Variants in BCORL1 observed in about 807,000 individuals in gnomAD.
The protein encoded by BCORL1 is BCL-6 corepressor-like protein 1.
BCORL1 carries 7 observed loss-of-function variants against 87.6 expected under a neutral mutation model. The observed-to-expected ratio is 0.08, with a 90% CI of 0.05 to 0.15. The LOEUF (loss-of-function observed/expected upper bound fraction) is 0.15. Among genes scored for constraint, BCORL1 ranks in the 10% least tolerant of loss-of-function variants. The probability of loss-of-function intolerance (pLI) is 1.00; values close to 1 mark genes in which losing one functional copy is unlikely to be tolerated. For synonymous variants in BCORL1, 591 were observed against 634.4 expected (o/e 0.93, Z 1.03); for missense variants, 1,215 against 1,499.7 (o/e 0.81, Z 3.13).
At position 130,014,161 on chromosome X, in the gene BCORL1, G is replaced by T. The variant is rs1468264912; in HGVS notation, c.1389G>T (p.Val463=). The T allele has an allele frequency of 2.7e-5, 33 of 1,208,801 alleles. No homozygotes were observed. Among genetic ancestry groups the T allele is most frequent in the Non-Finnish European group, 3.5e-5 (31 of 894,926 alleles). Residue 463 remains valine, a synonymous_variant, in exon 4 of 14, where the codon GTG becomes GTT. Transcript: ENST00000540052. The stretch of plus-strand genomic sequence containing the variant: ...CAAGCTGTGGGCAGCCACTCAGTGT[G>T]GCCACACTGCCAACCACTCTAGGGG... The part of the protein sequence containing the change: ...PPPSCGQPLS[V]ATLPTTLGVS...
intron 13 of BCORL1, among the ~76,000 whole-genome samples, chrX:130,055,158 C>T (rs932977372): frequency 8.9e-6 from 1 of 112,075 alleles, no homozygotes; most frequent in Non-Finnish European, 1.9e-5. Context: ...GGCCCGGGAT[C>T]GGCCTCTCCA....
chrX:130,007,360 T>C (rs1928584256), intron 2 of BCORL1, among the ~76,000 whole-genome samples: 1 of 112,598 alleles, frequency 8.9e-6, no homozygotes, highest in Non-Finnish European at 1.9e-5. Context: ...ATATGAAGCA[T>C]GTCCTCAGAT....
chrX:130,028,983 A>T, intron 8 of BCORL1, 122 bp downstream of exon 8: 1 of 565,979 alleles, frequency 1.8e-6, no homozygotes. Context: ...TTCTCAAACT[A>T]GTTCTCGAAG....
chrX:130,022,436 C>T (rs1929917784), intron 5 of BCORL1, among the ~76,000 whole-genome samples: 1 of 107,015 alleles, frequency 9.3e-6, no homozygotes, highest in African/African-American at 3.4e-5. Flanking sequence ...TTAGTAGAGT[C>T]GGGGTTTCAC....
At chrX:130,016,698 G>T (rs1367335654) in intron 4 of BCORL1, among the ~76,000 whole-genome samples, 8 of 111,899 alleles carry the variant, frequency 7.1e-5, no homozygotes, top group Admixed American at 5.7e-4. Context: ...TGGGAGCCTT[G>T]TGGGGTCAGA....
At position 130,005,294 on chromosome X, in the gene BCORL1, C is replaced by T; in HGVS notation, c.63C>T (p.Arg21=). Residue 21 remains arginine, a synonymous_variant, in exon 2 of 14, where the codon CGC becomes CGT. Coordinates refer to ENST00000540052, the MANE Select transcript of BCORL1 (RefSeq NM_001379451.1). The part of the protein sequence containing the change: ...VHNWTSSDRI[R]MCGINEERRA... ...ACTGGACCAGTTCTGACCGGATTCGCATGTGTGGCATCAACGAGGAGAGGT... is the reference window on the plus strand; with the variant it reads ...ACTGGACCAGTTCTGACCGGATTCGTATGTGTGGCATCAACGAGGAGAGGT... 8.3e-7 allele frequency: 1 copy of T among 1,211,768 alleles called. No individual in the cohort carries two copies. The highest frequency in any genetic ancestry group is 1.1e-6 in the Non-Finnish European group (1 of 895,351).
Position 130,015,003 on chromosome X carries a change from A to G in BCORL1, c.2231A>G (p.His744Arg). ...CTGGGCCTCAACCGTGACCCCCGCC[A>G]TCTCCCCAAGCAGGAGCCCATCTCC... ...PNLGLNRDPR[H>R]LPKQEPISII... The change falls in exon 4 of 14, where the codon CAT (histidine) becomes CGT (arginine). Residue 744 changes from histidine (H) to arginine (R), a missense_variant. Physicochemically the swap from His to Arg is conservative, Grantham distance 29 (BLOSUM62 0). Coordinates refer to ENST00000540052, the MANE Select transcript of BCORL1 (RefSeq NM_001379451.1). 18 of 1,211,627 alleles carry G rather than the reference A, an allele frequency of 1.5e-5. No individual in the cohort carries two copies. Among genetic ancestry groups the G allele is most frequent in the Non-Finnish European group, 2.0e-5 (18 of 895,512 alleles).
rs79745982 is a variant in BCORL1, at chrX:130,029,875, G to A, written c.4305+1014G>A. ...TCACCATGTTGGCCGGGCTGATCTC[G>A]AACTCCTGAGCTCAAGTGATCCGCC... On this transcript the variant is annotated intron_variant, in intron 8 of 13. Transcript: ENST00000540052. Among the ~76,000 whole-genome samples the A allele has an allele frequency of 2.0e-4, 22 of 110,648 alleles. No individual in the cohort carries two copies. The South Asian group carries it at 6.9e-3, about 35-fold the overall frequency.
chrX:130,046,551 A>G (rs1002311728), intron 11 of BCORL1, among the ~76,000 whole-genome samples: 1 of 95,712 alleles, frequency 1.0e-5, no homozygotes, highest in African/African-American at 3.9e-5. Flanking sequence ...TGCTCAGCTA[A>G]TTTTTTTTTT....
chrX:130,012,409 T>G (rs751553247), intron 2 of BCORL1, among the ~76,000 whole-genome samples, 169 bp from the exon 3 acceptor site: 6 of 111,620 alleles, frequency 5.4e-5, no homozygotes, highest in African/African-American at 1.6e-4. Context: ...GCCTCCGCTT[T>G]GTAACCAAGA....
intron 1 of BCORL1, among the ~76,000 whole-genome samples, chrX:130,004,534 C>T (rs1388136968): frequency 8.9e-6 from 1 of 111,763 alleles, no homozygotes; most frequent in African/African-American, 3.3e-5. Flanking sequence ...CGTGAGCCAC[C>T]GCGCCCTGCC....
chrX:130,023,144 A>AG (rs1466151421), intron 6 of BCORL1, among the ~76,000 whole-genome samples, 167 bp downstream of exon 6: 1 of 111,804 alleles, frequency 8.9e-6, no homozygotes, highest in African/African-American at 3.3e-5. Context: ...GGGTGGGGGC[A>AG]GGGGACAAAT....
At chrX:130,017,646 GT>G (rs1325113903) in intron 4 of BCORL1, among the ~76,000 whole-genome samples, 34 of 98,091 alleles carry the variant, frequency 3.5e-4, no homozygotes, top group Admixed American at 3.3e-4. Flanking sequence ...CTCTCTTTTT[GT>G]TTTTTTTTTT....
Position 130,012,684 on chromosome X carries a change from G to A in BCORL1, c.177+16G>A. 5 of 1,184,990 alleles carry A rather than the reference G, an allele frequency of 4.2e-6. No individual in the cohort carries two copies. Among genetic ancestry groups the A allele is most frequent in the East Asian group, 5.9e-5 (2 of 33,770 alleles). ...TTTTTCCAAGGTAAGAGGCTTTATG[G>A]AGCCACGTGCTGTCCACCAAAGGAT... is the stretch of plus-strand genomic sequence containing the variant. On this transcript the variant is annotated intron_variant, in intron 3 of 13. Transcript: ENST00000540052.
chrX:130,026,018 A>T (rs1391878680), intron 7 of BCORL1, among the ~76,000 whole-genome samples: 1 of 111,672 alleles, frequency 9.0e-6, no homozygotes, highest in African/African-American at 3.3e-5. Flanking sequence ...GACCACATCA[A>T]ATGCTGTGAT....
intron 1 of BCORL1, among the ~76,000 whole-genome samples, chrX:129,996,856 C>A (rs758707673): frequency 1.8e-5 from 2 of 110,945 alleles, no homozygotes; most frequent in Non-Finnish European, 3.8e-5. Flanking sequence ...TGGGCTCAAG[C>A]AGTCCTCCTG....
chrX:130,011,074 G>A (rs1928914748), intron 2 of BCORL1, among the ~76,000 whole-genome samples: 1 of 101,235 alleles, frequency 9.9e-6, no homozygotes, highest in East Asian at 3.3e-4. Flanking sequence ...GTCACCTCAG[G>A]CACAGTGTAT....
intron 13 of BCORL1, among the ~76,000 whole-genome samples, chrX:130,054,145 A>G (rs1932226076): frequency 1.8e-5 from 2 of 112,276 alleles, no homozygotes; most frequent in Non-Finnish European, 3.8e-5. Context: ...TAACTCTAAT[A>G]AAAGACAAAA....
In BCORL1 at chrX:130,009,308, C is replaced by T. The variant is rs1272626937; in HGVS notation, c.87-3270C>T. 3.6e-5 allele frequency among the ~76,000 whole-genome samples: 4 copies of T among 110,744 alleles called. No individual in the cohort carries two copies. The East Asian group carries it at 1.1e-3, about 31-fold the overall frequency. On this transcript the variant is annotated intron_variant, in intron 2 of 13. Transcript: ENST00000540052. ...GGAGAAACCCCGTCTCTACTAAAAA[C>T]ACAAAACTTAGCTGGGCGTGGTGGC...
Sources: gnomAD v4.1 joint callset for allele counts (sites outside exome capture counted in the v4.1 genomes callset) on GRCh38, gnomAD v4.1.1 for gene constraint, MANE v1.5 for transcripts, NCBI Gene and HGNC (gene_info 2026-07-23, HGNC 2026-07-21) for gene names.